Variants in C8orf34 observed in about 807,000 individuals in gnomAD.
C8orf34 encodes uncharacterized protein C8orf34.
C8orf34 carries 65 observed loss-of-function variants against 68.3 expected under a neutral mutation model. The ratio of observed to expected loss-of-function variants is 0.95; its 90% CI spans 0.78 to 1.17. C8orf34 has a LOEUF of 1.17. Ranked by LOEUF, C8orf34 falls within the 50% of genes most tolerant of loss-of-function variation. The probability of loss-of-function intolerance (pLI) is 0.00; values close to 1 mark genes in which losing one functional copy is unlikely to be tolerated. For missense variants in C8orf34, 664 were observed against 655.4 expected, an observed-to-expected ratio of 1.01 and a Z score of -0.14; for synonymous variants, 244 against 241.2, an observed-to-expected ratio of 1.01 and a Z score of -0.11.
chr8:68,684,792 A>AT (rs1820464521), intron 8 of C8orf34, among the ~76,000 whole-genome samples: 2 of 151,824 alleles, frequency 1.3e-5, no homozygotes, highest in Admixed American at 6.6e-5. Flanking sequence ...TATTAAAAAA[A>AT]AAATATTTTT....
At chr8:68,703,227 A>C (rs542996870) in intron 8 of C8orf34, among the ~76,000 whole-genome samples, 1 of 152,276 alleles carries the variant, frequency 6.6e-6, no homozygotes, top group East Asian at 1.9e-4. Context: ...ACAAACTTTC[A>C]TTGCCTCATT....
At chr8:68,684,461 G>C (rs1028849591) in intron 8 of C8orf34, among the ~76,000 whole-genome samples, 1 of 152,116 alleles carries the variant, frequency 6.6e-6, no homozygotes, top group Non-Finnish European at 1.5e-5. Flanking sequence ...ATTCTGTAGA[G>C]TACAAAGTAC....
chr8:68,439,789 A>T, intron 2 of C8orf34, 143 bp downstream of exon 2: 1 of 676,218 alleles, frequency 1.5e-6, no homozygotes, highest in South Asian at 2.7e-5. Context: ...CCTAGATGCT[A>T]AAATTTGTCA....
Position 68,465,761 on chromosome 8 carries a change from T to C in C8orf34, c.608-2931T>C, listed in dbSNP as rs1382148666. On this transcript the variant is annotated intron_variant, in intron 3 of 13. Coordinates refer to ENST00000518698, the MANE Select transcript of C8orf34 (RefSeq NM_052958.4). The stretch of plus-strand genomic sequence containing the variant: ...GTGGGAATTGAACAATGAGAACACA[T>C]GGACACAGGAAGGGGAACATCACAC... 2.3e-5 allele frequency among the ~76,000 whole-genome samples: 3 copies of C among 132,632 alleles called. No homozygotes were observed. In the East Asian group the frequency reaches 6.8e-4, roughly 30 times the overall value. 87.0% of individuals were successfully genotyped at this position (132,632 alleles called of 152,430 possible). A position where few individuals can be genotyped will look rare whatever the true frequency, so the allele number is the denominator to read the frequency against.
chr8:68,436,010 C>T (rs962144108), intron 1 of C8orf34, among the ~76,000 whole-genome samples: 1 of 152,150 alleles, frequency 6.6e-6, no homozygotes, highest in Non-Finnish European at 1.5e-5. Flanking sequence ...AAGTTTGAGA[C>T]CAGCCTGGCC....
intron 10 of C8orf34, among the ~76,000 whole-genome samples, chr8:68,766,023 A>C (rs1031371395): frequency 2.6e-5 from 4 of 152,228 alleles, no homozygotes; most frequent in Admixed American, 2.0e-4. Flanking sequence ...GAATGAAAAA[A>C]AAATTAGAGA....
At chr8:68,383,602 G>A (rs1382041234) in intron 1 of C8orf34, among the ~76,000 whole-genome samples, 1 of 152,256 alleles carries the variant, frequency 6.6e-6, no homozygotes, top group Non-Finnish European at 1.5e-5. Flanking sequence ...GTGTAAGAAT[G>A]ATGAATAAGC....
chr8:68,818,573 A>T lies in C8orf34; in HGVS notation c.*327A>T. Reference sequence around the variant, plus strand: ...CCTGATTCAAATAACTTTGCTTAAAATTTTTCTGTATTTTAACTTGTCTAG... The same window carrying T: ...CCTGATTCAAATAACTTTGCTTAAATTTTTTCTGTATTTTAACTTGTCTAG... On this transcript the variant is annotated 3_prime_UTR_variant, in exon 14 of 14. Transcript: ENST00000518698. 1 of 218,472 alleles carries T rather than the reference A, an allele frequency of 4.6e-6. No individual in the cohort carries two copies. Among genetic ancestry groups the T allele is most frequent in the Middle Eastern group, 1.6e-3 (1 of 630 alleles). The allele number at this position is 218,472 out of a possible 1,614,324, so 13.5% of individuals were successfully genotyped here.
chr8:68,405,227 G>C (rs1355895197), intron 1 of C8orf34, among the ~76,000 whole-genome samples: 1 of 152,032 alleles, frequency 6.6e-6, no homozygotes, highest in Non-Finnish European at 1.5e-5. Context: ...TTGGCATAGG[G>C]CTCTTACGTT....
At chr8:68,350,191 C>G (rs1256658128) in intron 1 of C8orf34, among the ~76,000 whole-genome samples, 1 of 151,746 alleles carries the variant, frequency 6.6e-6, no homozygotes, top group East Asian at 1.9e-4. Context: ...TTTCAAAGAA[C>G]TTCTAGATTA....
intron 3 of C8orf34, among the ~76,000 whole-genome samples, chr8:68,465,607 A>T (rs1812083457): frequency 6.6e-6 from 1 of 152,170 alleles, no homozygotes; most frequent in South Asian, 2.1e-4. Context: ...CACACCATGG[A>T]ATACTATGCA....
intron 8 of C8orf34, among the ~76,000 whole-genome samples, chr8:68,681,087 C>T (rs1348987117): frequency 2.0e-5 from 3 of 152,154 alleles, no homozygotes; most frequent in Non-Finnish European, 4.4e-5. Flanking sequence ...ACCCCGCAGG[C>T]AGTCAGACCT....
At chr8:68,735,872 G>A (rs1044132846) in intron 10 of C8orf34, among the ~76,000 whole-genome samples, 7 of 151,914 alleles carry the variant, frequency 4.6e-5, no homozygotes, top group African/African-American at 1.2e-4. Flanking sequence ...CCCTCTTTTT[G>A]TGAAACTGCC....
chr8:68,434,645 A>G (rs182561520), intron 1 of C8orf34, among the ~76,000 whole-genome samples: 140 of 152,366 alleles, frequency 9.2e-4, no homozygotes, highest in African/African-American at 3.1e-3. Context: ...TGTTCCAGCA[A>G]CAAAATTATA....
At chr8:68,565,510 G>GTGC (rs1304068654) in intron 7 of C8orf34, among the ~76,000 whole-genome samples, 3 of 152,158 alleles carry the variant, frequency 2.0e-5, no homozygotes, top group African/African-American at 7.2e-5. Context: ...GCAAAGAGCA[G>GTGC]TGCTGGAAGA....
intron 8 of C8orf34, among the ~76,000 whole-genome samples, chr8:68,664,270 G>C (rs1402494576): frequency 6.6e-6 from 1 of 152,148 alleles, no homozygotes; most frequent in Non-Finnish European, 1.5e-5. Flanking sequence ...TTGCCTTAAA[G>C]TTAAACTATA....
intron 7 of C8orf34, among the ~76,000 whole-genome samples, chr8:68,609,041 G>A (rs1817937330): frequency 6.6e-6 from 1 of 152,114 alleles, no homozygotes; most frequent in South Asian, 2.1e-4. Flanking sequence ...GGGTGCAGTG[G>A]TACTGGCCTG....
chr8:68,778,280 A>G (rs554730728), intron 11 of C8orf34, among the ~76,000 whole-genome samples: 1 of 152,268 alleles, frequency 6.6e-6, no homozygotes, highest in South Asian at 2.1e-4. Context: ...AGTATTTATA[A>G]ATGTTAGAAG....
intron 1 of C8orf34, among the ~76,000 whole-genome samples, chr8:68,418,757 C>A (rs1360784171): frequency 1.3e-5 from 2 of 151,984 alleles, no homozygotes; most frequent in African/African-American, 4.8e-5. Flanking sequence ...ATAAATGGTG[C>A]TGGGAAAACT....
Sources: allele counts gnomAD v4.1 joint callset (sites outside exome capture counted in the v4.1 genomes callset), GRCh38; gene constraint gnomAD v4.1.1; transcripts MANE v1.5; gene names NCBI Gene and HGNC (gene_info 2026-07-23, HGNC 2026-07-21).